Variants in ERI1 observed in about 807,000 individuals in gnomAD.
The protein encoded by ERI1 is 3'-5' exoribonuclease 1.
A neutral mutation model predicts 39.7 loss-of-function variants in ERI1; 39 were observed. The ratio of observed to expected loss-of-function variants is 0.98; its 90% CI spans 0.76 to 1.28. The LOEUF (loss-of-function observed/expected upper bound fraction) is 1.28, where lower values mean the gene tolerates loss of function less well. Ranked by LOEUF, ERI1 falls within the 50% of genes most tolerant of loss-of-function variation. The probability of loss-of-function intolerance (pLI) is 0.00; values close to 1 mark genes in which losing one functional copy is unlikely to be tolerated. For missense variants in ERI1, 581 were observed against 416.9 expected, an observed-to-expected ratio of 1.39 and a Z score of -3.43; for synonymous variants, 204 against 149.6, an observed-to-expected ratio of 1.36 and a Z score of -2.65.
chr8:9,039,115 T>C (rs974077531), intron 3 of ERI1, among the ~76,000 whole-genome samples: 3 of 152,218 alleles, frequency 2.0e-5, no homozygotes, highest in Non-Finnish European at 4.4e-5. Flanking sequence ...CCAAAGGGCT[T>C]TACCAAGACT....
chr8:9,008,688 T>C (rs534237814), intron 2 of ERI1, among the ~76,000 whole-genome samples: 3 of 152,344 alleles, frequency 2.0e-5, no homozygotes, highest in Non-Finnish European at 2.9e-5. Flanking sequence ...TAATGAGATA[T>C]ACACATACCT....
rs1797708310 is a variant in ERI1, at chr8:9,033,186, A to G, written c.*3152A>G. ...AATCTAGAGCAGGGGTCAGCAAACT[A>G]CCACCCATGGGCCAAATCTGGCTGC... On this transcript the variant is annotated 3_prime_UTR_variant, in exon 7 of 7. Coordinates refer to ENST00000250263, the MANE Select transcript of ERI1 (RefSeq NM_153332.4). 3.6e-5 allele frequency: 3 copies of G among 84,224 alleles called. No individual in the cohort carries two copies. The South Asian group carries it at 1.6e-3, about 45-fold the overall frequency. 5.2% of individuals were successfully genotyped at this position (84,224 alleles called of 1,614,324 possible). A position where few individuals can be genotyped will look rare whatever the true frequency, so the allele number is the denominator to read the frequency against.
At chr8:9,080,298 C>G (rs1307217064) in intron 3 of ERI1, among the ~76,000 whole-genome samples, 4 of 152,120 alleles carry the variant, frequency 2.6e-5, no homozygotes, top group African/African-American at 9.7e-5. Flanking sequence ...ACTGTATAAC[C>G]CAAGTAGCCT....
Position 9,031,367 on chromosome 8 carries a change from A to T in ERI1, c.*1333A>T, listed in dbSNP as rs1044346200. 6.6e-6 allele frequency: 1 copy of T among 152,234 alleles called. No individual in the cohort carries two copies. The highest frequency in any genetic ancestry group is 2.4e-5 in the African/African-American group (1 of 41,462). 9.4% of individuals were successfully genotyped at this position (152,234 alleles called of 1,614,324 possible). A position where few individuals can be genotyped will look rare whatever the true frequency, so the allele number is the denominator to read the frequency against. On this transcript the variant is annotated 3_prime_UTR_variant, in exon 7 of 7. Coordinates refer to ENST00000250263, the MANE Select transcript of ERI1 (RefSeq NM_153332.4). ...GAATTTCTGCTTTTCAGCAGTAGTC[A>T]TATAATCAGTATCATAAAGAATAAT...
At chr8:9,014,363 C>T (rs1817004030) in intron 3 of ERI1, among the ~76,000 whole-genome samples, 2 of 152,162 alleles carry the variant, frequency 1.3e-5, no homozygotes, top group African/African-American at 4.8e-5. Flanking sequence ...ATAAAGCCTA[C>T]TTGATTATCC....
chr8:9,061,962 A>T (rs1215040451), intron 3 of ERI1, among the ~76,000 whole-genome samples: 1 of 152,042 alleles, frequency 6.6e-6, no homozygotes, highest in African/African-American at 2.4e-5. Context: ...GGAGGGAGGC[A>T]TTGAGGATAG....
intron 3 of ERI1, 49 bp downstream of exon 3, chr8:9,011,801 G>A (rs749579781): frequency 7.2e-7 from 1 of 1,383,506 alleles, no homozygotes; most frequent in South Asian, 1.3e-5. Context: ...CAACTATTCT[G>A]GTGTTTACTG....
chr8:9,005,732 T>G (rs60274012), intron 1 of ERI1, among the ~76,000 whole-genome samples: 6,079 of 151,806 alleles, frequency 0.04, 356 homozygotes, highest in African/African-American at 0.12. Context: ...CTGACCTCGT[T>G]ATCCGCCCGC....
chr8:9,014,107 A>G lies in ERI1; in HGVS notation c.499-2215A>G, dbSNP rs542284252. Among the ~76,000 whole-genome samples, 3 of 152,268 alleles carry G rather than the reference A, an allele frequency of 2.0e-5. No homozygotes were observed. The East Asian group carries it at 5.8e-4, about 29-fold the overall frequency. ...ACTCAGAGTACAACCAATATTCCTT[A>G]CATGACCTGGCCTATTGTTTCCTCT... On this transcript the variant is annotated intron_variant, in intron 3 of 6. Transcript: ENST00000250263.
intron 3 of ERI1, among the ~76,000 whole-genome samples, chr8:9,015,977 A>G (rs912754950): frequency 7.9e-5 from 12 of 152,162 alleles, no homozygotes; most frequent in South Asian, 2.1e-4. Context: ...ATTATTTTTA[A>G]AACTTAGTAT....
chr8:9,010,268 A>G (rs997185710), intron 2 of ERI1, among the ~76,000 whole-genome samples: 10 of 152,190 alleles, frequency 6.6e-5, no homozygotes, highest in Non-Finnish European at 1.0e-4. Context: ...CAACTCTGGT[A>G]AATGTAGTCT....
Position 9,076,027 on chromosome 8 carries a change from C to A in ERI1, n.300-40321C>A, listed in dbSNP as rs1402205186. On this transcript the variant is annotated intron_variant and non_coding_transcript_variant, in intron 3 of 3. Transcript: ENST00000518663. ...CATGGCTCACTGCAGCCTCAATCTC[C>A]TGGGTCCAAGTGATCCTCCTGCCTC... Among the ~76,000 whole-genome samples, 3 of 151,964 alleles carry A rather than the reference C, an allele frequency of 2.0e-5. No homozygotes were observed. The East Asian group carries it at 5.8e-4, about 29-fold the overall frequency.
chr8:9,011,158 A>G (rs564551006), intron 2 of ERI1, among the ~76,000 whole-genome samples: 1 of 152,318 alleles, frequency 6.6e-6, no homozygotes, highest in Admixed American at 6.5e-5. Context: ...TATTTTGGCC[A>G]GTGGAATAAT....
rs116170401 is a variant in ERI1, at chr8:9,055,816, A to G, written n.299+35352A>G. Among the ~76,000 whole-genome samples the G allele has an allele frequency of 4.0e-3, 609 of 152,282 alleles. 4 individuals carry two copies. Among genetic ancestry groups the G allele is most frequent in the African/African-American group, 0.014 (583 of 41,548 alleles). The stretch of plus-strand genomic sequence containing the variant: ...CAGCTTCCCAAAACCCTGGGATTAC[A>G]GGCATGAGCCACTGTGCCCGGGAGG... On this transcript the variant is annotated intron_variant and non_coding_transcript_variant, in intron 3 of 3. Coordinates refer to the ERI1 transcript ENST00000518663.
chr8:9,026,505 A>G (rs1797170890), intron 6 of ERI1, among the ~76,000 whole-genome samples: 1 of 152,116 alleles, frequency 6.6e-6, no homozygotes, highest in South Asian at 2.1e-4. Context: ...TGACTGGCAT[A>G]TTTCACTGAG....
At chr8:9,100,040 G>A (rs891212871) in intron 3 of ERI1, 3 of 152,552 alleles carry the variant, frequency 2.0e-5, no homozygotes, top group African/African-American at 7.2e-5. Flanking sequence ...ATTGCACTAT[G>A]AAGTTTAAGT....
intron 3 of ERI1, among the ~76,000 whole-genome samples, chr8:9,058,231 C>T (rs937962107): frequency 2.6e-5 from 4 of 152,152 alleles, no homozygotes; most frequent in African/African-American, 9.7e-5. Flanking sequence ...TCCAGGAATC[C>T]GGCAGAGCTG....
At chr8:9,044,563 C>T (rs960030396) in intron 3 of ERI1, among the ~76,000 whole-genome samples, 1 of 152,080 alleles carries the variant, frequency 6.6e-6, no homozygotes, top group African/African-American at 2.4e-5. Flanking sequence ...CCAAAGTACA[C>T]AGAGGACAGT....
intron 6 of ERI1, among the ~76,000 whole-genome samples, chr8:9,021,735 A>G (rs1336902684): frequency 2.7e-5 from 4 of 147,676 alleles, no homozygotes; most frequent in Non-Finnish European, 4.5e-5. Flanking sequence ...TGAGCACGAT[A>G]TAATTAGTAT....
Sources: allele counts gnomAD v4.1 joint callset (sites outside exome capture counted in the v4.1 genomes callset), GRCh38; gene constraint gnomAD v4.1.1; transcripts MANE v1.5; gene names NCBI Gene and HGNC (gene_info 2026-07-23, HGNC 2026-07-21).